Variants in CRYL1 observed in about 807,000 individuals in gnomAD.
The protein encoded by CRYL1 is crystallin lambda 1, also known as lambda-crystallin homolog.
A neutral mutation model predicts 36.6 loss-of-function variants in CRYL1; 29 were observed. That is an observed-to-expected ratio of 0.79 (90% CI 0.59 to 1.08). CRYL1 has a LOEUF of 1.08. CRYL1 is among the 50% of genes least tolerant of loss of function. The pLI is 0.00. For missense variants in CRYL1, 411 were observed against 407.9 expected (o/e 1.01, Z -0.06); for synonymous variants, 152 against 151.5 (o/e 1.00, Z -0.02).
At chr13:20,490,194 C>G (rs141243809) in intron 2 of CRYL1, among the ~76,000 whole-genome samples, 117 of 152,266 alleles carry the variant, frequency 7.7e-4, no homozygotes, top group African/African-American at 2.7e-3. Context: ...AGTTCGAGAC[C>G]AGCCTGGCCA....
chr13:20,453,437 G>A (rs2032614838), intron 3 of CRYL1, among the ~76,000 whole-genome samples: 1 of 151,654 alleles, frequency 6.6e-6, no homozygotes, highest in Admixed American at 6.6e-5. Context: ...TGAATATTTT[G>A]AAATATTCTA....
intron 4 of CRYL1, among the ~76,000 whole-genome samples, chr13:20,433,558 G>A (rs1043576647): frequency 2.6e-5 from 4 of 152,166 alleles, no homozygotes; most frequent in African/African-American, 9.7e-5. Flanking sequence ...AAGAAAAGAC[G>A]GCTCCTGTTT....
At chr13:20,521,455 C>T (rs57339370) in intron 1 of CRYL1, among the ~76,000 whole-genome samples, 13,170 of 152,074 alleles carry the variant, frequency 0.087, 1,471 homozygotes, top group African/African-American at 0.26. Flanking sequence ...GTATTGTTCC[C>T]CAATACTACC....
chr13:20,454,065 A>C (rs2032626419), intron 3 of CRYL1, among the ~76,000 whole-genome samples: 1 of 152,220 alleles, frequency 6.6e-6, no homozygotes, highest in Admixed American at 6.5e-5. Flanking sequence ...ATTCAGCCAA[A>C]CATTTAAAGA....
At chr13:20,505,092 A>C (rs1426543145) in intron 2 of CRYL1, among the ~76,000 whole-genome samples, 2 of 152,156 alleles carry the variant, frequency 1.3e-5, no homozygotes, top group African/African-American at 4.8e-5. Context: ...ACAGTGGCTC[A>C]CGCCTGTAAT....
At chr13:20,453,402 A>ATATTTTGAAATATTCTAATATATTTGAG (rs2032612927) in intron 3 of CRYL1, among the ~76,000 whole-genome samples, 1 of 136,312 alleles carries the variant, frequency 7.3e-6, no homozygotes, top group Non-Finnish European at 1.5e-5. Flanking sequence ...AATATTTTGA[A>ATATTTTGAAATATTCTAATATATTTGAG]TATTTTGAAA....
intron 3 of CRYL1, among the ~76,000 whole-genome samples, chr13:20,468,860 G>A (rs1268225135): frequency 1.3e-5 from 2 of 152,110 alleles, no homozygotes; most frequent in Non-Finnish European, 2.9e-5. Context: ...ACCCAACTCA[G>A]CCTGCCAAAG....
intron 5 of CRYL1, chr13:20,431,013 T>C: frequency 2.0e-6 from 2 of 985,354 alleles, no homozygotes; most frequent in South Asian, 9.4e-5. Context: ...GATTTAGACA[T>C]CAAGACACAG....
intron 3 of CRYL1, among the ~76,000 whole-genome samples, chr13:20,464,571 C>T (rs1386788285): frequency 6.6e-6 from 1 of 152,176 alleles, no homozygotes; most frequent in East Asian, 1.9e-4. Flanking sequence ...TTGGGGAGCG[C>T]TTCACCAGGA....
intron 2 of CRYL1, among the ~76,000 whole-genome samples, chr13:20,498,504 C>T (rs1002474289): frequency 6.6e-5 from 10 of 152,260 alleles, no homozygotes; most frequent in Admixed American, 1.3e-4. Context: ...TTTCTTGGAG[C>T]ATTGATCTGC....
intron 2 of CRYL1, among the ~76,000 whole-genome samples, chr13:20,508,848 C>CAAAAAAAAAAA (rs1179533995): frequency 9.6e-5 from 1 of 10,450 alleles, no homozygotes; most frequent in African/African-American, 3.2e-4. Flanking sequence ...AGCGAGACTC[C>CAAAAAAAAAAA]AAAAAAAAAA....
chr13:20,459,408 A>G (rs2032762454), intron 3 of CRYL1, among the ~76,000 whole-genome samples: 1 of 152,206 alleles, frequency 6.6e-6, no homozygotes, highest in Non-Finnish European at 1.5e-5. Context: ...GGTTACATTT[A>G]CCACAGCACT....
In CRYL1 at chr13:20,489,452, GA is replaced by G. The variant is rs780697962; in HGVS notation, c.193del (p.Ser65ProfsTer2). 6.8e-6 allele frequency: 11 copies of G among 1,613,378 alleles called. No individual in the cohort carries two copies. The highest frequency in any genetic ancestry group is 1.1e-5 in the South Asian group (1 of 91,088). ...LLEQAGSLKG[S>X]LSVEEQLSLI... The stretch of plus-strand genomic sequence containing the variant: ...TGACAGCTGCTCTTCCACACTCAGG[GA>G]GCCTTTCAGAGAACCTGCCTGCTCC... On this transcript the variant is annotated frameshift_variant, in exon 3 of 8. Transcript: ENST00000298248. LOFTEE classifies it high-confidence loss of function.
chr13:20,436,244 G>A (rs1034511277), intron 4 of CRYL1, among the ~76,000 whole-genome samples: 1 of 152,132 alleles, frequency 6.6e-6, no homozygotes, highest in African/African-American at 2.4e-5. Flanking sequence ...AGTACTTGGT[G>A]GGCTCCGAAG....
intron 6 of CRYL1, 107 bp downstream of exon 6, chr13:20,413,175 A>G: frequency 1.4e-6 from 1 of 707,220 alleles, no homozygotes; most frequent in East Asian, 2.7e-5. Context: ...ATCATCTCCT[A>G]TATACTGTCT....
intron 3 of CRYL1, among the ~76,000 whole-genome samples, chr13:20,474,243 T>A (rs1233838288): frequency 6.6e-6 from 1 of 152,190 alleles, no homozygotes; most frequent in East Asian, 1.9e-4. Flanking sequence ...GCCATCATAG[T>A]GGCCTTTAAA....
At chr13:20,468,816 A>G (rs939572994) in intron 3 of CRYL1, among the ~76,000 whole-genome samples, 16 of 152,178 alleles carry the variant, frequency 1.1e-4, no homozygotes, top group Non-Finnish European at 2.1e-4. Flanking sequence ...CATGTTGTCC[A>G]GGCTGGTGTC....
intron 3 of CRYL1, among the ~76,000 whole-genome samples, chr13:20,442,769 T>A (rs1235244109): frequency 6.6e-6 from 1 of 152,216 alleles, no homozygotes; most frequent in East Asian, 1.9e-4. Context: ...AAGCACTGAC[T>A]TTTGTTTGTT....
rs548301800 is a variant in CRYL1, at chr13:20,415,537, G to C, written c.634-2150C>G. Reference sequence around the variant, plus strand: ...CAGCCACGCCACCACCGGCGAGGGCGAGGGCCAGGGCCACTCACTGTGACC... The same window carrying C: ...CAGCCACGCCACCACCGGCGAGGGCCAGGGCCAGGGCCACTCACTGTGACC... On this transcript the variant is annotated intron_variant, in intron 5 of 7. Coordinates refer to ENST00000298248, the MANE Select transcript of CRYL1 (RefSeq NM_015974.3). The surrounding 1 kb of genome is among the most constrained non-coding windows in gnomAD (Gnocchi z 4.1). Among the ~76,000 whole-genome samples, 228 of 152,314 alleles carry C rather than the reference G, an allele frequency of 1.5e-3. 1 individual carries two copies. The highest frequency in any genetic ancestry group is 0.014 in the Admixed American group (214 of 15,300).
Sources: allele counts gnomAD v4.1 joint callset (sites outside exome capture counted in the v4.1 genomes callset), GRCh38; gene constraint gnomAD v4.1.1; non-coding constraint Gnocchi (gnomAD v3.1); transcripts MANE v1.5; gene names NCBI Gene and HGNC (gene_info 2026-07-23, HGNC 2026-07-21).